Variants in LINGO2 observed in about 807,000 individuals in gnomAD.
LINGO2 encodes the protein leucine-rich repeat and immunoglobulin-like domain-containing nogo receptor-interacting protein 2.
LINGO2 carries 14 observed loss-of-function variants against 30.6 expected under a neutral mutation model. That is an observed-to-expected ratio of 0.46 (90% confidence interval 0.30 to 0.72). LINGO2 has a LOEUF of 0.72. Among genes scored for constraint, LINGO2 ranks in the 30% least tolerant of loss-of-function variants. The pLI, the probability that LINGO2 is intolerant of heterozygous loss-of-function variation, is 0.07. For missense variants in LINGO2, 729 were observed against 751.7 expected, an observed-to-expected ratio of 0.97 and a Z score of 0.35; for synonymous variants, 317 against 288.5, an observed-to-expected ratio of 1.10 and a Z score of -1.00.
chr9:27,945,309 A>G (rs1416358496), downstream of LINGO2, among the ~76,000 whole-genome samples: 2 of 152,180 alleles, frequency 1.3e-5, no homozygotes, highest in Non-Finnish European at 2.9e-5. Flanking sequence ...AATGCAAATG[A>G]CATTTAAATA....
At chr9:28,477,519 T>C (rs1292735459) in intron 1 of LINGO2, among the ~76,000 whole-genome samples, 3 of 152,162 alleles carry the variant, frequency 2.0e-5, no homozygotes, top group African/African-American at 4.8e-5. Flanking sequence ...CCTTCTTAAG[T>C]CTTCCCCCAT....
chr9:29,003,873 C>T, the LINGO2 span, among the ~76,000 whole-genome samples: 3 of 151,978 alleles, frequency 2.0e-5, no homozygotes, highest in African/African-American at 7.2e-5. Flanking sequence ...TTTTATTTGA[C>T]AGTGTTTGTT....
chr9:27,962,835 G>A (rs1819913994), intron 5 of LINGO2, among the ~76,000 whole-genome samples: 1 of 152,056 alleles, frequency 6.6e-6, no homozygotes, highest in Non-Finnish European at 1.5e-5. Context: ...AAATCTATAG[G>A]GAGTTGACTA....
At chr9:29,082,807 A>G in the LINGO2 span, among the ~76,000 whole-genome samples, 1 of 152,218 alleles carries the variant, frequency 6.6e-6, no homozygotes. Flanking sequence ...GAAGACGTTT[A>G]TGCAGCCAAC....
At chr9:28,951,377 T>TG in the LINGO2 span, among the ~76,000 whole-genome samples, 565 of 34,156 alleles carry the variant, frequency 0.017, 2 homozygotes, top group African/African-American at 0.054. Context: ...GCAATGGGGG[T>TG]GGGGGGGCAC....
At chr9:28,543,050 C>G (rs1325783740) in intron 1 of LINGO2, among the ~76,000 whole-genome samples, 1 of 152,024 alleles carries the variant, frequency 6.6e-6, no homozygotes, top group Non-Finnish European at 1.5e-5. Context: ...GCCAAATGCA[C>G]TAGACGATCT....
the LINGO2 span, among the ~76,000 whole-genome samples, chr9:28,866,014 C>A: frequency 1.3e-5 from 2 of 152,114 alleles, no homozygotes; most frequent in Non-Finnish European, 2.9e-5. Context: ...TAGTCGGGTA[C>A]TTGGCTTTGC....
chr9:28,346,754 G>A (rs1020375139), intron 3 of LINGO2, among the ~76,000 whole-genome samples: 2 of 151,152 alleles, frequency 1.3e-5, no homozygotes, highest in Non-Finnish European at 2.9e-5. Flanking sequence ...AGCTCATTAT[G>A]ATTTTGATTT....
chr9:28,353,394 A>G (rs1248270327), intron 3 of LINGO2, among the ~76,000 whole-genome samples: 251 of 150,936 alleles, frequency 1.7e-3, no homozygotes, highest in African/African-American at 5.8e-3. Flanking sequence ...CAAAAAACAC[A>G]TGAAAAAATG....
chr9:28,819,718 T>C, the LINGO2 span, among the ~76,000 whole-genome samples: 4 of 152,188 alleles, frequency 2.6e-5, no homozygotes, highest in Non-Finnish European at 4.4e-5. Context: ...GCAGGTCCTG[T>C]GGCAGAGCAC....
At chr9:28,024,301 G>A (rs1023562655) in intron 4 of LINGO2, among the ~76,000 whole-genome samples, 5 of 152,196 alleles carry the variant, frequency 3.3e-5, no homozygotes, top group East Asian at 1.9e-4. Context: ...AAAGAGGGTG[G>A]CATCTAGTTT....
intron 2 of LINGO2, among the ~76,000 whole-genome samples, chr9:28,434,591 T>C (rs1823843445): frequency 6.6e-6 from 1 of 151,980 alleles, no homozygotes; most frequent in Non-Finnish European, 1.5e-5. Flanking sequence ...ATCCTTCCTG[T>C]AATTGGCTTC....
intron 3 of LINGO2, among the ~76,000 whole-genome samples, chr9:28,315,502 T>C (rs1824810195): frequency 1.3e-5 from 2 of 152,340 alleles, no homozygotes; most frequent in East Asian, 3.9e-4. Context: ...TGCCTCATCT[T>C]TATTTATGGA....
intron 1 of LINGO2, among the ~76,000 whole-genome samples, chr9:28,625,990 TAAAAC>T (rs200686915): frequency 2.1e-5 from 3 of 146,190 alleles, no homozygotes; most frequent in Non-Finnish European, 3.0e-5. Context: ...TTGACTTTAC[TAAAAC>T]AAAACAAAAC....
intron 1 of LINGO2, among the ~76,000 whole-genome samples, chr9:28,563,360 G>A (rs182700870): frequency 2.7e-4 from 41 of 152,162 alleles, no homozygotes; most frequent in African/African-American, 9.6e-4. Flanking sequence ...GACAAATCTA[G>A]AATATCAGGG....
the LINGO2 span, among the ~76,000 whole-genome samples, chr9:28,675,796 G>T: frequency 2.0e-5 from 3 of 150,420 alleles, no homozygotes; most frequent in South Asian, 6.3e-4. Flanking sequence ...GCTTGAACCT[G>T]GGAGGCAGAG....
the LINGO2 span, among the ~76,000 whole-genome samples, chr9:28,892,659 A>C: frequency 1.3e-5 from 2 of 151,972 alleles, no homozygotes; most frequent in Admixed American, 6.6e-5. Flanking sequence ...CCAACACAAA[A>C]GATTTTATTA....
rs117565322 is a variant in LINGO2, at chr9:28,545,078, G to A, written c.-364-69053C>T. 5.0e-3 allele frequency among the ~76,000 whole-genome samples: 763 copies of A among 152,100 alleles called. 2 individuals are homozygous for A. Among genetic ancestry groups the A allele is most frequent in the Admixed American group, 0.011 (172 of 15,278 alleles). ...GAATTATTCTCTGCACTTTACAGAT[G>A]AGCAAGGGAGGCTTGCTAAGGGTTT... is the stretch of plus-strand genomic sequence containing the variant. On this transcript the variant is annotated intron_variant, in intron 1 of 5. Coordinates refer to ENST00000379992, the Ensembl canonical transcript of LINGO2.
chr9:28,765,124 T>C, the LINGO2 span, among the ~76,000 whole-genome samples: 29 of 152,060 alleles, frequency 1.9e-4, no homozygotes, highest in African/African-American at 6.8e-4. Flanking sequence ...TAGTATTTTA[T>C]ACAGAAATTA....
Sources: gnomAD v4.1 joint callset for allele counts (sites outside exome capture counted in the v4.1 genomes callset) on GRCh38, gnomAD v4.1.1 for gene constraint, MANE v1.5 for transcripts, NCBI Gene and HGNC (gene_info 2026-07-23, HGNC 2026-07-21) for gene names.